The following PHF14 variants were observed in gnomAD, a reference collection of about 807,000 sequenced individuals.
The protein encoded by PHF14 is PHD finger protein 14.
In PHF14, 55 loss-of-function variants were observed where a neutral mutation model predicts 117.9. The observed-to-expected ratio is 0.47, with a 90% CI of 0.38 to 0.58. The LOEUF (loss-of-function observed/expected upper bound fraction) is 0.58, where lower values mean the gene tolerates loss of function less well. Ranked by LOEUF, PHF14 falls within the 20% of genes least tolerant of loss-of-function variation. The pLI is 0.00. For missense variants in PHF14, 978 were observed against 1,122.2 expected, an observed-to-expected ratio of 0.87 and a Z score of 1.84; for synonymous variants, 409 against 368.6, an observed-to-expected ratio of 1.11 and a Z score of -1.26.
In PHF14 at chr7:11,023,047, T is replaced by A. The variant is rs1783787869; in HGVS notation, c.1317+68T>A. 2.1e-5 allele frequency: 16 copies of A among 775,854 alleles called. No individual in the cohort carries two copies. In the South Asian group the frequency reaches 2.7e-4, roughly 13 times the overall value. The allele number at this position is 775,854 out of a possible 1,614,324, so 48.1% of individuals were successfully genotyped here. A position where few individuals can be genotyped will look rare whatever the true frequency, so the allele number is the denominator to read the frequency against. On this transcript the variant is annotated intron_variant, in intron 6 of 17. Transcript: ENST00000634607. ...TTACTTGTTAGTTTACCTGGCTTTT[T>A]ATTTGTATTATGTTGACTGCAGAAA...
intron 17 of PHF14, among the ~76,000 whole-genome samples, chr7:11,128,400 A>G (rs933842839): frequency 6.6e-6 from 1 of 151,808 alleles, no homozygotes; most frequent in South Asian, 2.1e-4. Context: ...ACTTCATTCT[A>G]TTTCCTGTCT....
At chr7:11,058,818 G>T (rs185581005) in intron 14 of PHF14, among the ~76,000 whole-genome samples, 18 of 152,286 alleles carry the variant, frequency 1.2e-4, no homozygotes, top group Admixed American at 3.3e-4. Flanking sequence ...AGTGACAGTT[G>T]AGATAACTGA....
intron 17 of PHF14, among the ~76,000 whole-genome samples, chr7:11,146,234 C>T (rs1788546079): frequency 6.6e-6 from 1 of 151,948 alleles, no homozygotes; most frequent in Non-Finnish European, 1.5e-5. Context: ...TGAAAATATG[C>T]CACAGGAATA....
At chr7:11,139,954 G>A (rs926687982) in intron 17 of PHF14, among the ~76,000 whole-genome samples, 1 of 152,068 alleles carries the variant, frequency 6.6e-6, no homozygotes, top group Non-Finnish European at 1.5e-5. Context: ...GAATGACCCA[G>A]CCTAACAGGC....
At chr7:11,158,188 T>C (rs1225146221) in intron 17 of PHF14, among the ~76,000 whole-genome samples, 1 of 152,172 alleles carries the variant, frequency 6.6e-6, no homozygotes, top group Non-Finnish European at 1.5e-5. Context: ...CAGGATCTCC[T>C]GTTTCATTTT....
At chr7:11,134,952 G>T (rs1054526420) in intron 17 of PHF14, among the ~76,000 whole-genome samples, 1 of 152,070 alleles carries the variant, frequency 6.6e-6, no homozygotes, top group African/African-American at 2.4e-5. Flanking sequence ...ACATAAACAT[G>T]CTGATATCTT....
At chr7:11,137,622 T>C (rs1249214865) in intron 17 of PHF14, among the ~76,000 whole-genome samples, 1 of 144,520 alleles carries the variant, frequency 6.9e-6, no homozygotes, top group Non-Finnish European at 1.5e-5. Flanking sequence ...TGAGACGGAG[T>C]TTTGCTCTTG....
intron 4 of PHF14, among the ~76,000 whole-genome samples, chr7:10,996,678 G>C (rs1184158923): frequency 6.6e-6 from 1 of 152,180 alleles, no homozygotes; most frequent in Non-Finnish European, 1.5e-5. Flanking sequence ...GGGAAAGATA[G>C]AGGATAAGTT....
intron 16 of PHF14, chr7:11,107,276 A>AT (rs1193212042): frequency 1.7e-5 from 17 of 977,466 alleles, no homozygotes; most frequent in Non-Finnish European, 2.1e-5. Flanking sequence ...AAGGTAAATC[A>AT]TTTTTTTCCC....
chr7:11,007,412 A>T (rs1583357690), intron 4 of PHF14, among the ~76,000 whole-genome samples: 1 of 151,730 alleles, frequency 6.6e-6, no homozygotes, highest in East Asian at 1.9e-4. Context: ...ACACCTGTAG[A>T]TTTTTTTTCC....
At chr7:11,034,539 ATTTTTTTTTTTTT>A (rs56043099) in intron 7 of PHF14, among the ~76,000 whole-genome samples, 15 of 63,094 alleles carry the variant, frequency 2.4e-4, no homozygotes, top group African/African-American at 8.7e-4. Flanking sequence ...TCTTAATTCT[ATTTTTTTTTTTTT>A]TTTTTTTTTT....
chr7:11,128,030 T>A (rs1385851369), intron 17 of PHF14, among the ~76,000 whole-genome samples: 1 of 152,144 alleles, frequency 6.6e-6, no homozygotes, highest in Non-Finnish European at 1.5e-5. Context: ...TAATGTGCAC[T>A]TTTTAAAACC....
chr7:11,138,104 G>A (rs924140492), intron 17 of PHF14, among the ~76,000 whole-genome samples: 17 of 150,876 alleles, frequency 1.1e-4, no homozygotes, highest in East Asian at 3.9e-4. Flanking sequence ...GCAGTGGCAC[G>A]ATCTTGGCTC....
At chr7:11,028,326 T>C (rs191488722) in intron 6 of PHF14, among the ~76,000 whole-genome samples, 1 of 152,292 alleles carries the variant, frequency 6.6e-6, no homozygotes, top group East Asian at 1.9e-4. Flanking sequence ...TTTTGCAACA[T>C]TGTAAAGTTA....
chr7:11,112,563 A>C (rs1042084608), intron 17 of PHF14, among the ~76,000 whole-genome samples: 1 of 152,134 alleles, frequency 6.6e-6, no homozygotes, highest in African/African-American at 2.4e-5. Flanking sequence ...TGAGGTCAGG[A>C]GTTCGAGACC....
At chr7:10,987,943 G>T (rs1167540496) in intron 3 of PHF14, among the ~76,000 whole-genome samples, 1 of 148,434 alleles carries the variant, frequency 6.7e-6, no homozygotes, top group Non-Finnish European at 1.5e-5. Context: ...TTGAACCCGG[G>T]AGGTGGAGGT....
At chr7:11,065,876 C>T (rs900189758) in intron 16 of PHF14, among the ~76,000 whole-genome samples, 14 of 152,054 alleles carry the variant, frequency 9.2e-5, no homozygotes, top group Non-Finnish European at 2.1e-4. Flanking sequence ...AGCTAAGAAC[C>T]CTGGAATCCA....
chr7:10,981,826 A>C (rs1484945832), intron 2 of PHF14, among the ~76,000 whole-genome samples: 1 of 152,162 alleles, frequency 6.6e-6, no homozygotes, highest in Non-Finnish European at 1.5e-5. Context: ...TTGGTATATT[A>C]GAGTTGTAGT....
At chr7:11,045,282 CCTT>C (rs1425846817) in intron 13 of PHF14, among the ~76,000 whole-genome samples, 1 of 152,094 alleles carries the variant, frequency 6.6e-6, no homozygotes, top group African/African-American at 2.4e-5. Context: ...TTTAATTTCT[CCTT>C]GTTTCTAGTG....
Sources: gnomAD v4.1 joint callset for allele counts (sites outside exome capture counted in the v4.1 genomes callset) on GRCh38, gnomAD v4.1.1 for gene constraint, MANE v1.5 for transcripts, NCBI Gene and HGNC (gene_info 2026-07-23, HGNC 2026-07-21) for gene names.